Variants in COL24A1 observed in about 807,000 individuals in gnomAD.
COL24A1 encodes the protein collagen alpha-1(XXIV) chain.
In COL24A1, 224 loss-of-function variants were observed where a neutral mutation model predicts 253.9. That is an observed-to-expected ratio of 0.88 (90% CI 0.79 to 0.99). COL24A1 has a LOEUF of 0.99. Among genes scored for constraint, COL24A1 ranks in the 50% least tolerant of loss-of-function variants. The probability of loss-of-function intolerance (pLI) is 0.00; values close to 1 mark genes in which losing one functional copy is unlikely to be tolerated. For synonymous variants in COL24A1, 685 were observed against 673.7 expected, an observed-to-expected ratio of 1.02 and a Z score of -0.26; for missense variants, 2,131 against 2,068.5, an observed-to-expected ratio of 1.03 and a Z score of -0.59.
chr1:86,103,063 T>C (rs548430052), intron 5 of COL24A1, among the ~76,000 whole-genome samples: 72 of 152,214 alleles, frequency 4.7e-4, no homozygotes, highest in Non-Finnish European at 6.5e-4. Flanking sequence ...TGGTTGCTCC[T>C]GTGTTGGGAT....
chr1:86,030,810 T>C (rs779828271), intron 14 of COL24A1, among the ~76,000 whole-genome samples: 8 of 151,506 alleles, frequency 5.3e-5, no homozygotes, highest in Non-Finnish European at 1.0e-4. Flanking sequence ...TTGCCCAGGC[T>C]TGGTCTCAAA....
At chr1:85,805,065 T>C (rs924230614) in intron 47 of COL24A1, among the ~76,000 whole-genome samples, 1 of 152,144 alleles carries the variant, frequency 6.6e-6, no homozygotes, top group Admixed American at 6.5e-5. Context: ...GGTGTTGAAG[T>C]CCTGGCCTCA....
intron 3 of COL24A1, among the ~76,000 whole-genome samples, chr1:86,121,608 T>G (rs1026904610): frequency 6.6e-6 from 1 of 152,054 alleles, no homozygotes; most frequent in Non-Finnish European, 1.5e-5. Flanking sequence ...AAAAACTGAT[T>G]AAATATAATT....
In COL24A1 at chr1:85,868,779, T is replaced by C; in HGVS notation, c.3192+3A>G. On this transcript the variant is annotated splice_donor_region_variant and intron_variant, in intron 36 of 59. Transcript: ENST00000370571. ...TATATATAATCTTAAAAGTATAATT[T>C]ACCTTTAACCCATCTTTTCCCTGGA... 6.4e-7 allele frequency: 1 copy of C among 1,551,108 alleles called. No homozygotes were observed. Among genetic ancestry groups the C allele is most frequent in the Non-Finnish European group, 8.8e-7 (1 of 1,142,648 alleles).
chr1:85,733,768 C>T (rs538790672), intron 59 of COL24A1, among the ~76,000 whole-genome samples: 68 of 151,046 alleles, frequency 4.5e-4, no homozygotes, highest in Middle Eastern at 3.4e-3. Context: ...TTAGTAGAGA[C>T]GGAGTTTCTC....
chr1:86,058,285 C>A (rs1328721340), intron 9 of COL24A1, among the ~76,000 whole-genome samples: 2 of 151,506 alleles, frequency 1.3e-5, no homozygotes, highest in African/African-American at 4.8e-5. Context: ...TAAAACATTT[C>A]TAATTAACTT....
At chr1:86,082,445 A>T (rs1702708339) in intron 7 of COL24A1, among the ~76,000 whole-genome samples, 1 of 151,946 alleles carries the variant, frequency 6.6e-6, no homozygotes, top group Non-Finnish European at 1.5e-5. Context: ...ACTTCTGCTC[A>T]TCCTCAAGAA....
Position 86,126,027 on chromosome 1 carries a change from C to T in COL24A1, c.309G>A (p.Gly103=), listed in dbSNP as rs1648237629. The change falls in exon 3 of 60, where the codon GGG becomes GGA. Residue 103 remains glycine (G), a synonymous_variant. Transcript: ENST00000370571. ...ACCCAGTTAATATTGTAAACGGCTGCCCCAAGTTGACTGGTAAAATTTTCA... is the reference window on the plus strand; with the variant it reads ...ACCCAGTTAATATTGTAAACGGCTGTCCCAAGTTGACTGGTAAAATTTTCA... ...PFVKILPVNL[G]QPFTILTGLQ... is the part of the protein sequence containing the mutation. 1.2e-6 allele frequency: 2 copies of T among 1,613,580 alleles called. No homozygotes were observed. The highest frequency in any genetic ancestry group is 1.1e-5 in the South Asian group (1 of 91,074).
At chr1:85,869,939 T>C (rs1414958992) in intron 35 of COL24A1, among the ~76,000 whole-genome samples, 1 of 152,142 alleles carries the variant, frequency 6.6e-6, no homozygotes, top group African/African-American at 2.4e-5. Flanking sequence ...CAGTGTGCTG[T>C]ATTCAGGAAA....
chr1:85,968,957 A>G (rs960831807), intron 22 of COL24A1, among the ~76,000 whole-genome samples: 1 of 152,158 alleles, frequency 6.6e-6, no homozygotes, highest in African/African-American at 2.4e-5. Context: ...TTTCACATCT[A>G]AAAATAGGAA....
At chr1:85,767,085 C>A (rs747139523) in intron 53 of COL24A1, among the ~76,000 whole-genome samples, 4 of 146,118 alleles carry the variant, frequency 2.7e-5, no homozygotes, top group Non-Finnish European at 4.5e-5. Flanking sequence ...GCCTGGGTGA[C>A]AGAGTGAGAC....
At chr1:85,966,990 G>A (rs983704314) in intron 22 of COL24A1, among the ~76,000 whole-genome samples, 1 of 152,204 alleles carries the variant, frequency 6.6e-6, no homozygotes, top group African/African-American at 2.4e-5. Flanking sequence ...GAATGATTCT[G>A]TATAGAGAAA....
At chr1:85,990,120 T>TTTTTC (rs1319284471) in intron 19 of COL24A1, among the ~76,000 whole-genome samples, 1 of 152,150 alleles carries the variant, frequency 6.6e-6, no homozygotes, top group Non-Finnish European at 1.5e-5. Context: ...ACTGGTTTGT[T>TTTTTC]TTTTCTTTTC....
chr1:86,089,127 AAAGAAAAAAAG>A (rs757541993), intron 7 of COL24A1, 36 bp downstream of exon 7: 152 of 1,463,652 alleles, frequency 1.0e-4, no homozygotes, highest in African/African-American at 2.0e-4. Context: ...AAGACAAAAA[AAAGAAAAAAAG>A]AAGAAAAAAA....
chr1:85,830,586 T>C (rs1159191825), intron 43 of COL24A1, among the ~76,000 whole-genome samples: 1 of 152,114 alleles, frequency 6.6e-6, no homozygotes, highest in Non-Finnish European at 1.5e-5. Context: ...TCCGTGGGCA[T>C]AGGACCCTCT....
At chr1:85,954,863 A>G (rs1460898522) in intron 24 of COL24A1, among the ~76,000 whole-genome samples, 1 of 152,222 alleles carries the variant, frequency 6.6e-6, no homozygotes, top group African/African-American at 2.4e-5. Context: ...GCATAGTTGT[A>G]GAGTTATACT....
At chr1:85,804,045 A>C (rs985354089) in intron 47 of COL24A1, among the ~76,000 whole-genome samples, 1 of 152,212 alleles carries the variant, frequency 6.6e-6, no homozygotes, top group East Asian at 1.9e-4. Flanking sequence ...TAATAGAAAA[A>C]ATTCAGGAGA....
chr1:85,990,632 G>A (rs1425277501), intron 19 of COL24A1, among the ~76,000 whole-genome samples: 1 of 152,148 alleles, frequency 6.6e-6, no homozygotes, highest in African/African-American at 2.4e-5. Flanking sequence ...TATCATGCCA[G>A]AAAACAAGAA....
chr1:86,115,484 G>C (rs1706055273), intron 3 of COL24A1, 106 bp from the exon 4 acceptor site: 6 of 1,024,546 alleles, frequency 5.9e-6, no homozygotes, highest in Non-Finnish European at 7.3e-6. Context: ...TCAGTCCCCA[G>C]TTCCCAGCTG....
Sources: gnomAD v4.1 joint callset for allele counts (sites outside exome capture counted in the v4.1 genomes callset) on GRCh38, gnomAD v4.1.1 for gene constraint, MANE v1.5 for transcripts, NCBI Gene and HGNC (gene_info 2026-07-23, HGNC 2026-07-21) for gene names.